The following PCDH15 variants were observed in gnomAD, a reference collection of about 807,000 sequenced individuals.
PCDH15 encodes the protein protocadherin related 15.
In PCDH15, 129 loss-of-function variants were observed where a neutral mutation model predicts 178.5. That is an observed-to-expected ratio of 0.72 (90% CI 0.63 to 0.84). PCDH15 has a LOEUF of 0.84. PCDH15 is among the 40% of genes least tolerant of loss of function. The pLI is 0.00. For synonymous variants in PCDH15, 800 were observed against 732.0 expected, an observed-to-expected ratio of 1.09 and a Z score of -1.50; for missense variants, 2,230 against 2,099.9, an observed-to-expected ratio of 1.06 and a Z score of -1.21.
At chr10:54,219,144 G>A (rs2052462820) in intron 9 of PCDH15, among the ~76,000 whole-genome samples, 1 of 149,822 alleles carries the variant, frequency 6.7e-6, no homozygotes, top group Admixed American at 6.7e-5. Flanking sequence ...GCGTGGTGGT[G>A]GGCACCTGTA....
At chr10:54,098,190 T>TTG (rs35596789) in intron 15 of PCDH15, among the ~76,000 whole-genome samples, 5,214 of 143,110 alleles carry the variant, frequency 0.036, 92 homozygotes, top group African/African-American at 0.049. Context: ...GAAAATAAAG[T>TTG]TGTGTGTGTG....
intron 2 of PCDH15, among the ~76,000 whole-genome samples, chr10:55,124,892 T>A (rs1422782286): frequency 6.6e-6 from 1 of 151,956 alleles, no homozygotes; most frequent in Admixed American, 6.6e-5. Flanking sequence ...TATGACACAA[T>A]AGAGGTAGAG....
At chr10:55,486,604 T>C (rs2132123701) in intron 2 of PCDH15, among the ~76,000 whole-genome samples, 1 of 151,778 alleles carries the variant, frequency 6.6e-6, no homozygotes, top group Middle Eastern at 3.4e-3. Context: ...ATTCCTTTCA[T>C]TCCAGAATGC....
chr10:53,959,618 C>T (rs145585939), intron 23 of PCDH15, 114 bp downstream of exon 23: 4 of 778,268 alleles, frequency 5.1e-6, no homozygotes, highest in Non-Finnish European at 8.7e-6. Flanking sequence ...TTAGAAACGC[C>T]TAAACCAAAA....
chr10:54,198,458 C>T (rs1356957823), intron 10 of PCDH15, among the ~76,000 whole-genome samples: 1 of 134,120 alleles, frequency 7.5e-6, no homozygotes, highest in African/African-American at 2.6e-5. Context: ...TTCTCTCTTT[C>T]TTGTATCTCT....
chr10:54,699,113 C>T (rs1180547386), intron 1 of PCDH15, among the ~76,000 whole-genome samples: 1 of 152,072 alleles, frequency 6.6e-6, no homozygotes, highest in East Asian at 1.9e-4. Context: ...TGTCTGAAAT[C>T]ATAATGGCAT....
chr10:55,366,292 A>G (rs979043084), intron 2 of PCDH15: 1 of 152,114 alleles, frequency 6.6e-6, no homozygotes, highest in Admixed American at 6.6e-5. Flanking sequence ...TAATAGAGTG[A>G]TAACTTTATG....
chr10:55,222,956 C>A (rs982647588), intron 1 of PCDH15, among the ~76,000 whole-genome samples: 1 of 151,690 alleles, frequency 6.6e-6, no homozygotes, highest in South Asian at 2.1e-4. Flanking sequence ...TTTTTGATTA[C>A]ATTTCTTTAC....
intron 2 of PCDH15, among the ~76,000 whole-genome samples, chr10:54,902,274 A>G (rs1438069522): frequency 6.6e-6 from 1 of 152,180 alleles, no homozygotes; most frequent in Non-Finnish European, 1.5e-5. Flanking sequence ...GAGCTGATAC[A>G]CCACTGATAC....
intron 14 of PCDH15, among the ~76,000 whole-genome samples, chr10:54,142,785 A>G (rs2043530726): frequency 6.6e-6 from 1 of 152,116 alleles, no homozygotes; most frequent in Admixed American, 6.6e-5. Flanking sequence ...CAAAAATTTC[A>G]TGTAAGAGGA....
At chr10:54,201,511 T>C (rs1465315257) in intron 10 of PCDH15, among the ~76,000 whole-genome samples, 2 of 152,094 alleles carry the variant, frequency 1.3e-5, no homozygotes, top group African/African-American at 2.4e-5. Context: ...GTAATTAGTC[T>C]GAATCTCATT....
At chr10:55,599,949 A>G in intron 2 of PCDH15, 1 of 1,518,952 alleles carries the variant, frequency 6.6e-7, no homozygotes, top group Non-Finnish European at 8.8e-7. Flanking sequence ...AGTGAAATTG[A>G]CCTACCTATG....
At chr10:55,330,259 C>T (rs149819484) in intron 2 of PCDH15, among the ~76,000 whole-genome samples, 58 of 151,800 alleles carry the variant, frequency 3.8e-4, no homozygotes, top group African/African-American at 1.3e-3. Context: ...AAGTTAAAAT[C>T]AAGCTTTTAT....
chr10:54,833,688 C>T (rs574677679), intron 3 of PCDH15, among the ~76,000 whole-genome samples: 12 of 152,180 alleles, frequency 7.9e-5, no homozygotes, highest in African/African-American at 2.2e-4. Flanking sequence ...CTTGCTCTCC[C>T]CTGTTAGTCT....
chr10:53,877,844 T>C (rs2080357561), intron 26 of PCDH15, among the ~76,000 whole-genome samples: 1 of 152,184 alleles, frequency 6.6e-6, no homozygotes, highest in Admixed American at 6.6e-5. Flanking sequence ...TTCTCAGTTC[T>C]GTATAATACT....
intron 1 of PCDH15, among the ~76,000 whole-genome samples, chr10:54,768,821 C>A (rs186983223): frequency 1.3e-5 from 2 of 152,182 alleles, no homozygotes; most frequent in South Asian, 2.1e-4. Flanking sequence ...CCATGTCATG[C>A]CACTTGTAAA....
At chr10:54,586,816 G>C (rs993604530) in intron 2 of PCDH15, among the ~76,000 whole-genome samples, 2 of 152,090 alleles carry the variant, frequency 1.3e-5, no homozygotes, top group African/African-American at 4.8e-5. Context: ...GTTTGTAAAA[G>C]AGTTGAGAAT....
intron 2 of PCDH15, among the ~76,000 whole-genome samples, chr10:55,610,293 A>T (rs1451343198): frequency 6.6e-6 from 1 of 152,094 alleles, no homozygotes; most frequent in Non-Finnish European, 1.5e-5. Context: ...TGTTCTTTTT[A>T]AAAAGGAAAC....
At chr10:54,278,923 T>C (rs1297161681) in intron 8 of PCDH15, among the ~76,000 whole-genome samples, 1 of 151,552 alleles carries the variant, frequency 6.6e-6, no homozygotes, top group Non-Finnish European at 1.5e-5. Context: ...ACCGCATCCT[T>C]AGTTTTCTGC....
Sources: allele counts gnomAD v4.1 joint callset (sites outside exome capture counted in the v4.1 genomes callset), GRCh38; gene constraint gnomAD v4.1.1; transcripts MANE v1.5; gene names NCBI Gene and HGNC (gene_info 2026-07-23, HGNC 2026-07-21).